Variants in NDST4 observed in about 807,000 individuals in gnomAD.
NDST4 encodes the protein N-deacetylase and N-sulfotransferase 4.
Under a neutral mutation model 100.8 loss-of-function variants are expected in NDST4, and 63 were observed. The observed-to-expected ratio is 0.62, with a 90% CI of 0.51 to 0.77. The LOEUF is 0.77. NDST4 is among the 30% of genes least tolerant of loss of function. The pLI is 0.00. For missense variants in NDST4, 943 were observed against 1,018.4 expected, an observed-to-expected ratio of 0.93 and a Z score of 1.01; for synonymous variants, 377 against 361.8, an observed-to-expected ratio of 1.04 and a Z score of -0.48.
chr4:114,856,511 T>C (rs1201302589), intron 7 of NDST4, among the ~76,000 whole-genome samples: 1 of 152,248 alleles, frequency 6.6e-6, no homozygotes, highest in Non-Finnish European at 1.5e-5. Flanking sequence ...TCTCTAATTA[T>C]GATTCTTTTA....
intron 1 of NDST4, among the ~76,000 whole-genome samples, chr4:115,090,579 TC>T (rs1729497621): frequency 6.6e-6 from 1 of 152,156 alleles, no homozygotes; most frequent in Admixed American, 6.5e-5. Context: ...TAATAACCTG[TC>T]TATCGGTATA....
chr4:115,102,866 G>A (rs1729761031), intron 1 of NDST4, among the ~76,000 whole-genome samples: 2 of 151,618 alleles, frequency 1.3e-5, no homozygotes, highest in African/African-American at 2.4e-5. Context: ...CTGCCACCAC[G>A]CCTGGCTAAT....
At chr4:115,107,423 G>A (rs1939009614) in intron 1 of NDST4, among the ~76,000 whole-genome samples, 2 of 151,878 alleles carry the variant, frequency 1.3e-5, no homozygotes, top group Admixed American at 6.6e-5. Context: ...TCAATAGACA[G>A]AGACAAAATT....
Position 114,970,543 on chromosome 4 carries a change from A to T in NDST4, c.1108T>A (p.Ser370Thr), listed in dbSNP as rs1726489771. Residue 370 changes from serine to threonine, a missense_variant, in exon 4 of 14, where the codon TCT becomes ACT. Ser to Thr is a moderately conservative substitution (Grantham distance 58, BLOSUM62 1). This residue lies in a region of NDST4 where 526 missense variants were observed against 634.1 expected (regional missense o/e 0.83). Transcript: ENST00000264363. Reference protein sequence around the residue: ...EDEGDDLLLRSVDEFWWFPHM... With the variant: ...EDEGDDLLLRTVDEFWWFPHM... ...GGAAACCACCAGAACTCATCCACAG[A>T]CCGAAGTAAAAGGTCATCTCCTTCA... is the stretch of plus-strand genomic sequence containing the variant. 6.2e-7 allele frequency: 1 copy of T among 1,613,830 alleles called. No homozygotes were observed. The highest frequency in any genetic ancestry group is 1.3e-5 in the African/African-American group (1 of 74,934).
intron 1 of NDST4, among the ~76,000 whole-genome samples, chr4:115,096,474 T>G (rs2126296594): frequency 1.3e-5 from 2 of 152,138 alleles, no homozygotes; most frequent in Middle Eastern, 6.8e-3. Context: ...GCTTTCTATT[T>G]CATAGAGAGC....
At chr4:114,946,131 G>A (rs993049878) in intron 4 of NDST4, among the ~76,000 whole-genome samples, 1 of 152,138 alleles carries the variant, frequency 6.6e-6, no homozygotes, top group African/African-American at 2.4e-5. Context: ...AAACCAGCAA[G>A]TTTTCATTCA....
At chr4:115,085,392 T>C (rs1165716820) in intron 1 of NDST4, among the ~76,000 whole-genome samples, 1 of 152,142 alleles carries the variant, frequency 6.6e-6, no homozygotes, top group Non-Finnish European at 1.5e-5. Context: ...TTTGGAGGAC[T>C]GTTGGAAGGG....
intron 1 of NDST4, among the ~76,000 whole-genome samples, chr4:115,080,818 C>CA (rs1249011974): frequency 2.6e-5 from 4 of 151,850 alleles, no homozygotes; most frequent in Admixed American, 6.6e-5. Context: ...TCTATTTAAA[C>CA]AAATGTAAAA....
chr4:115,051,658 C>T (rs571160107), intron 2 of NDST4, among the ~76,000 whole-genome samples: 1 of 152,188 alleles, frequency 6.6e-6, no homozygotes, highest in African/African-American at 2.4e-5. Context: ...TTTAACCATT[C>T]ATCTGTTGGT....
intron 7 of NDST4, among the ~76,000 whole-genome samples, chr4:114,865,694 T>C (rs1035355771): frequency 6.9e-6 from 1 of 144,610 alleles, no homozygotes; most frequent in South Asian, 2.2e-4. Flanking sequence ...TATCTGCAAG[T>C]AATTTTTTTT....
intron 2 of NDST4, among the ~76,000 whole-genome samples, chr4:115,044,615 A>G (rs1308120335): frequency 6.6e-6 from 1 of 151,964 alleles, no homozygotes; most frequent in South Asian, 2.1e-4. Flanking sequence ...AAACACTCCT[A>G]TGTATTTTGA....
chr4:115,023,482 T>C (rs1269211707), intron 2 of NDST4, among the ~76,000 whole-genome samples: 2 of 84,366 alleles, frequency 2.4e-5, no homozygotes, highest in African/African-American at 6.0e-5. Context: ...CAAAATTCCA[T>C]CTCAAAAAAA....
intron 4 of NDST4, among the ~76,000 whole-genome samples, chr4:114,938,701 T>C (rs1330286926): frequency 6.6e-6 from 1 of 152,210 alleles, no homozygotes; most frequent in Non-Finnish European, 1.5e-5. Context: ...GGATCACATA[T>C]CTACAATGCC....
At chr4:115,002,145 A>T (rs759184274) in intron 2 of NDST4, among the ~76,000 whole-genome samples, 3 of 152,230 alleles carry the variant, frequency 2.0e-5, no homozygotes, top group East Asian at 1.9e-4. Flanking sequence ...TTATTTCTCC[A>T]CAGCCTCACC....
intron 4 of NDST4, among the ~76,000 whole-genome samples, chr4:114,963,549 A>G (rs903172490): frequency 1.3e-5 from 2 of 152,202 alleles, no homozygotes; most frequent in Non-Finnish European, 2.9e-5. Flanking sequence ...ATTGAAGTTT[A>G]CACTTTACGT....
intron 1 of NDST4, among the ~76,000 whole-genome samples, chr4:115,100,512 A>G (rs1374380236): frequency 6.6e-6 from 1 of 152,062 alleles, no homozygotes; most frequent in Non-Finnish European, 1.5e-5. Context: ...CATGACATTT[A>G]TATATAACTT....
intron 6 of NDST4, among the ~76,000 whole-genome samples, chr4:114,918,888 C>T (rs753688807): frequency 6.6e-6 from 1 of 152,162 alleles, no homozygotes; most frequent in Non-Finnish European, 1.5e-5. Flanking sequence ...GCTGTGCCTC[C>T]CCAATCTGCA....
chr4:114,883,009 A>T (rs947375671), intron 6 of NDST4, among the ~76,000 whole-genome samples: 4 of 152,092 alleles, frequency 2.6e-5, no homozygotes, highest in Non-Finnish European at 5.9e-5. Flanking sequence ...GTTATCATTC[A>T]AAAGTGAATG....
intron 3 of NDST4, among the ~76,000 whole-genome samples, chr4:114,974,565 T>C (rs934024869): frequency 5.3e-5 from 8 of 152,270 alleles, no homozygotes; most frequent in Non-Finnish European, 7.4e-5. Context: ...AATACTATAA[T>C]GTCTCCATTT....
Sources: allele counts gnomAD v4.1 joint callset (sites outside exome capture counted in the v4.1 genomes callset), GRCh38; gene constraint gnomAD v4.1.1; regional missense constraint gnomAD v4.1.1; transcripts MANE v1.5; gene names NCBI Gene and HGNC (gene_info 2026-07-23, HGNC 2026-07-21).